The following ATP13A4 variants were observed in gnomAD, a reference collection of about 807,000 sequenced individuals.
The protein encoded by ATP13A4 is ATPase 13A4.
Under a neutral mutation model 142.5 loss-of-function variants are expected in ATP13A4, and 114 were observed. That is an observed-to-expected ratio of 0.80 (90% confidence interval 0.69 to 0.93). The LOEUF is 0.93. Ranked by LOEUF, ATP13A4 falls within the 40% of genes least tolerant of loss-of-function variation. The pLI, the probability that ATP13A4 is intolerant of heterozygous loss-of-function variation, is 0.00. For synonymous variants in ATP13A4, 488 were observed against 514.8 expected (o/e 0.95, Z 0.70); for missense variants, 1,392 against 1,454.0 (o/e 0.96, Z 0.69).
At chr3:193,451,068 C>T (rs188469389) in intron 17 of ATP13A4, among the ~76,000 whole-genome samples, 1 of 152,268 alleles carries the variant, frequency 6.6e-6, no homozygotes, top group Non-Finnish European at 1.5e-5. Flanking sequence ...GACTCTCTCC[C>T]CTGTAGGTGA....
intron 25 of ATP13A4, among the ~76,000 whole-genome samples, chr3:193,418,669 A>G (rs1715245038): frequency 1.3e-5 from 2 of 149,914 alleles, no homozygotes; most frequent in South Asian, 4.2e-4. Flanking sequence ...CTGGACACCT[A>G]CAGTCCTCAC....
chr3:193,478,639 A>G (rs1444136075), intron 8 of ATP13A4, among the ~76,000 whole-genome samples: 1 of 151,936 alleles, frequency 6.6e-6, no homozygotes, highest in East Asian at 1.9e-4. Flanking sequence ...GTTACCAAGA[A>G]AAAAAAAGTC....
In ATP13A4 at chr3:193,454,208, G is replaced by A. The variant is rs1020331644; in HGVS notation, c.1920C>T (p.Pro640=). The A allele has an allele frequency of 1.3e-5, 21 of 1,608,368 alleles. No individual in the cohort carries two copies. In the African/African-American group the frequency reaches 2.3e-4, roughly 17 times the overall value. ...TCTGAAGTTCGCTAACAAAACTAGT[G>A]GGTACTGTTTAGAAAGAAACACAGG... ...VASFCQPETV[P]TSFVSELQIY... is the part of the protein sequence containing the mutation. The change falls in exon 17 of 30, where the codon CCC becomes CCT. Residue 640 remains proline (P), a synonymous_variant. Coordinates refer to ENST00000342695, the MANE Select transcript of ATP13A4 (RefSeq NM_032279.4).
chr3:193,467,680 A>G (rs1718383738), intron 9 of ATP13A4, among the ~76,000 whole-genome samples, 194 bp from the exon 10 acceptor site: 1 of 152,226 alleles, frequency 6.6e-6, no homozygotes. Flanking sequence ...AATAGGAGAC[A>G]GATATGTAAA....
In ATP13A4 at chr3:193,457,169, G is replaced by A. The variant is rs1717669757; in HGVS notation, c.1762-16C>T. ...CCACTGGGACCTGGTTGAGGGATGG[G>A]GAAAGGAGAGGAACATGCTGATACA... On this transcript the variant is annotated splice_polypyrimidine_tract_variant and intron_variant, in intron 15 of 29. Coordinates refer to ENST00000342695, the MANE Select transcript of ATP13A4 (RefSeq NM_032279.4). The A allele has an allele frequency of 1.9e-6, 3 of 1,612,568 alleles. No homozygotes were observed. In the Admixed American group the frequency reaches 5.0e-5, roughly 27 times the overall value.
At chr3:193,487,957 T>A (rs1177166281) in intron 7 of ATP13A4, among the ~76,000 whole-genome samples, 1 of 152,112 alleles carries the variant, frequency 6.6e-6, no homozygotes, top group East Asian at 1.9e-4. Flanking sequence ...ATATTTAGGA[T>A]ATAATAGGTT....
intron 3 of ATP13A4, among the ~76,000 whole-genome samples, chr3:193,499,740 AG>A (rs1416735716): frequency 6.6e-6 from 1 of 152,254 alleles, no homozygotes; most frequent in Non-Finnish European, 1.5e-5. Context: ...AATATTTTAA[AG>A]GACAAATTGT....
intron 1 of ATP13A4, among the ~76,000 whole-genome samples, chr3:193,585,452 A>G (rs931698593): frequency 2.7e-5 from 4 of 150,542 alleles, no homozygotes; most frequent in African/African-American, 9.8e-5. Context: ...CAACAACAAC[A>G]AAACAAAAAA....
intron 2 of ATP13A4, among the ~76,000 whole-genome samples, chr3:193,511,839 G>C (rs1263383561): frequency 6.6e-6 from 1 of 152,178 alleles, no homozygotes; most frequent in African/African-American, 2.4e-5. Context: ...CAAACCTAAA[G>C]TACTAGGACA....
At chr3:193,571,270 C>T (rs1206494943) in intron 2 of ATP13A4, among the ~76,000 whole-genome samples, 4 of 60,936 alleles carry the variant, frequency 6.6e-5, no homozygotes, top group African/African-American at 5.5e-4. Flanking sequence ...CAAAGCAAGA[C>T]CTTGTCTCAA....
intron 18 of ATP13A4, among the ~76,000 whole-genome samples, chr3:193,443,763 C>T (rs977192057): frequency 3.3e-5 from 5 of 151,900 alleles, no homozygotes; most frequent in South Asian, 2.1e-4. Context: ...AGTGGAAAGA[C>T]GGAAGTTCTC....
chr3:193,578,343 C>CTATATCTATATCTATATCTA (rs199597589), intron 2 of ATP13A4, among the ~76,000 whole-genome samples: 4 of 143,074 alleles, frequency 2.8e-5, no homozygotes, highest in Non-Finnish European at 6.1e-5. Flanking sequence ...ATATCTATAT[C>CTATATCTATATCTATATCTA]TATCTATCTA....
intron 25 of ATP13A4, among the ~76,000 whole-genome samples, chr3:193,421,606 C>T (rs1466376762): frequency 2.7e-5 from 4 of 149,668 alleles, no homozygotes; most frequent in South Asian, 2.1e-4. Context: ...AACTACAATA[C>T]ATTGTTAAGA....
At chr3:193,546,985 T>C (rs1723265851) in intron 1 of ATP13A4, among the ~76,000 whole-genome samples, 1 of 152,226 alleles carries the variant, frequency 6.6e-6, no homozygotes, top group Admixed American at 6.5e-5. Flanking sequence ...ACTCTCAGCT[T>C]GCTCCTACTT....
chr3:193,453,383 T>C (rs1212614269), intron 17 of ATP13A4, among the ~76,000 whole-genome samples: 2 of 152,076 alleles, frequency 1.3e-5, no homozygotes, highest in African/African-American at 4.8e-5. Flanking sequence ...CTAGATTAGC[T>C]CCGTAACAGC....
upstream of ATP13A4, among the ~76,000 whole-genome samples, chr3:193,556,381 G>C (rs1412524011): frequency 2.0e-5 from 3 of 151,972 alleles, no homozygotes; most frequent in Non-Finnish European, 4.4e-5. Flanking sequence ...GTGTGTATAT[G>C]TTGTATGTGT....
chr3:193,591,755 CT>C (rs547183388), intron 1 of ATP13A4, among the ~76,000 whole-genome samples: 1 of 152,168 alleles, frequency 6.6e-6, no homozygotes, highest in South Asian at 2.1e-4. Flanking sequence ...TTAGTTTCTC[CT>C]TTTTTTATGG....
intron 2 of ATP13A4, among the ~76,000 whole-genome samples, chr3:193,576,247 A>ATTTT (rs1560288260): frequency 9.3e-6 from 1 of 107,330 alleles, no homozygotes; most frequent in Non-Finnish European, 2.0e-5. Context: ...GCTTGAATCA[A>ATTTT]TCTTTTTTTT....
intron 25 of ATP13A4, among the ~76,000 whole-genome samples, chr3:193,431,964 G>A: frequency 6.6e-6 from 1 of 151,948 alleles, no homozygotes; most frequent in East Asian, 1.9e-4. Flanking sequence ...AATTAGGGAT[G>A]AGAATGGAGA....
Sources: gnomAD v4.1 joint callset for allele counts (sites outside exome capture counted in the v4.1 genomes callset) on GRCh38, gnomAD v4.1.1 for gene constraint, MANE v1.5 for transcripts, NCBI Gene and HGNC (gene_info 2026-07-23, HGNC 2026-07-21) for gene names.